Variants in PLD1 observed in about 807,000 individuals in gnomAD.
The protein encoded by PLD1 is phospholipase D1.
Under a neutral mutation model 137.1 loss-of-function variants are expected in PLD1, and 112 were observed. The observed-to-expected ratio is 0.82, with a 90% CI of 0.70 to 0.96. PLD1 has a LOEUF of 0.96. Among genes scored for constraint, PLD1 ranks in the 40% least tolerant of loss-of-function variants. The pLI, the probability that PLD1 is intolerant of heterozygous loss-of-function variation, is 0.00. For missense variants in PLD1, 1,321 were observed against 1,342.0 expected (o/e 0.98, Z 0.24); for synonymous variants, 431 against 454.7 (o/e 0.95, Z 0.66).
At chr3:171,743,189 A>G (rs1380524768) in intron 1 of PLD1, among the ~76,000 whole-genome samples, 1 of 152,172 alleles carries the variant, frequency 6.6e-6, no homozygotes, top group Non-Finnish European at 1.5e-5. Context: ...ATACTCATCT[A>G]CAGGCAAAAA....
At chr3:171,773,377 A>T (rs957794342) in intron 1 of PLD1, among the ~76,000 whole-genome samples, 3 of 152,092 alleles carry the variant, frequency 2.0e-5, no homozygotes, top group African/African-American at 7.2e-5. Flanking sequence ...GTGGATCACG[A>T]GTCAGGAGCT....
chr3:171,709,414 C>T, intron 10 of PLD1, 146 bp downstream of exon 10: 1 of 577,800 alleles, frequency 1.7e-6, no homozygotes, highest in South Asian at 3.1e-5. Context: ...ATCAGGTAGT[C>T]CCATAATTAT....
intron 1 of PLD1, among the ~76,000 whole-genome samples, chr3:171,746,958 A>T (rs1720256446): frequency 6.6e-6 from 1 of 152,342 alleles, no homozygotes; most frequent in South Asian, 2.1e-4. Flanking sequence ...CACTGCTTTT[A>T]TTAGCTGTAA....
chr3:171,675,931 C>G (rs927666290), intron 18 of PLD1, among the ~76,000 whole-genome samples: 1 of 151,742 alleles, frequency 6.6e-6, no homozygotes, highest in African/African-American at 2.4e-5. Context: ...CAAACTCCGC[C>G]TCCTGGATTC....
At position 171,737,639 on chromosome 3, in the gene PLD1, T is replaced by C. The variant is rs1469513481; in HGVS notation, c.181A>G (p.Ile61Val). The part of the protein sequence containing the change: ...IQEVYIPFSA[I>V]YNTQGFKEPN... ...TCCTTAAATCCTTGAGTGTTATAAA[T>C]AGCAGAGAAAGGGATATACACTAAA... Residue 61 changes from isoleucine to valine, a missense_variant, in exon 3 of 27, where the codon ATT (isoleucine) becomes GTT (valine). Coordinates refer to ENST00000351298, the MANE Select transcript of PLD1 (RefSeq NM_002662.5). 5 of 1,570,722 alleles carry C rather than the reference T, an allele frequency of 3.2e-6. No individual in the cohort carries two copies. The South Asian group carries it at 4.5e-5, about 14-fold the overall frequency.
chr3:171,802,406 A>G (rs1242593866), intron 1 of PLD1, among the ~76,000 whole-genome samples: 1 of 152,202 alleles, frequency 6.6e-6, no homozygotes, highest in Admixed American at 6.5e-5. Context: ...TGGTCAGGGA[A>G]AAAACCTTTC....
At chr3:171,749,202 A>T (rs1720480429) in intron 1 of PLD1, among the ~76,000 whole-genome samples, 1 of 152,188 alleles carries the variant, frequency 6.6e-6, no homozygotes, top group African/African-American at 2.4e-5. Context: ...TGAAGAAACT[A>T]AAGTCTGATG....
intron 1 of PLD1, among the ~76,000 whole-genome samples, chr3:171,803,967 T>C (rs903762828): frequency 5.3e-5 from 8 of 152,190 alleles, no homozygotes; most frequent in African/African-American, 1.9e-4. Flanking sequence ...GCCAAAAATA[T>C]ACTTCATCCC....
At chr3:171,730,305 C>A (rs1718835186) in intron 6 of PLD1, among the ~76,000 whole-genome samples, 1 of 152,016 alleles carries the variant, frequency 6.6e-6, no homozygotes, top group African/African-American at 2.4e-5. Flanking sequence ...CATTTGTCCC[C>A]ATTTTACAAA....
chr3:171,783,587 TG>T (rs1722878009), intron 1 of PLD1, among the ~76,000 whole-genome samples: 1 of 152,142 alleles, frequency 6.6e-6, no homozygotes, highest in African/African-American at 2.4e-5. Context: ...GTTTGACTCC[TG>T]TTTTTTTTAT....
chr3:171,736,974 C>T (rs570002471), intron 3 of PLD1, among the ~76,000 whole-genome samples: 4 of 152,294 alleles, frequency 2.6e-5, no homozygotes, highest in East Asian at 3.9e-4. Flanking sequence ...TGAAATATCA[C>T]GTGAATGAGG....
chr3:171,788,495 T>C (rs534064922), intron 1 of PLD1: 1 of 152,296 alleles, frequency 6.6e-6, no homozygotes, highest in East Asian at 1.9e-4. Flanking sequence ...ACCAAGCAGT[T>C]TGCCTCTGGT....
At chr3:171,791,551 G>T (rs139973257) in intron 1 of PLD1, among the ~76,000 whole-genome samples, 143 of 152,030 alleles carry the variant, frequency 9.4e-4, no homozygotes, top group East Asian at 6.0e-3. Flanking sequence ...AAAATATCAG[G>T]CCTGTGACCA....
At chr3:171,802,357 A>G (rs191730096) in intron 1 of PLD1, among the ~76,000 whole-genome samples, 34 of 152,344 alleles carry the variant, frequency 2.2e-4, no homozygotes, top group Non-Finnish European at 4.7e-4. Context: ...TCAGGTAGCA[A>G]GCAATGCAAT....
chr3:171,677,929 T>G (rs531763240), intron 16 of PLD1: 2 of 346,454 alleles, frequency 5.8e-6, no homozygotes, highest in Non-Finnish European at 1.0e-5. Context: ...ACAATGAAAT[T>G]TGACCTTCTC....
At chr3:171,613,654 C>A (rs1293455605) in intron 24 of PLD1, among the ~76,000 whole-genome samples, 1 of 151,980 alleles carries the variant, frequency 6.6e-6, no homozygotes, top group Non-Finnish European at 1.5e-5. Flanking sequence ...ATTATTAATT[C>A]TCTTTATTAG....
At chr3:171,680,233 T>A (rs2108491506) in intron 16 of PLD1, among the ~76,000 whole-genome samples, 1 of 149,562 alleles carries the variant, frequency 6.7e-6, no homozygotes, top group Non-Finnish European at 1.5e-5. Context: ...TTGTTTTCTT[T>A]TTCTTCCTCT....
At chr3:171,721,064 C>G (rs905286930) in intron 8 of PLD1, among the ~76,000 whole-genome samples, 2 of 152,146 alleles carry the variant, frequency 1.3e-5, no homozygotes, top group African/African-American at 4.8e-5. Flanking sequence ...GCCTGCATTT[C>G]CCCTCTAACA....
chr3:171,760,378 T>C (rs9829615), intron 1 of PLD1, among the ~76,000 whole-genome samples: 19,001 of 152,218 alleles, frequency 0.12, 1,320 homozygotes, highest in South Asian at 0.22. Context: ...ATCAATCATC[T>C]AGGTATTATC....
Sources: allele counts gnomAD v4.1 joint callset (sites outside exome capture counted in the v4.1 genomes callset), GRCh38; gene constraint gnomAD v4.1.1; transcripts MANE v1.5; gene names NCBI Gene and HGNC (gene_info 2026-07-23, HGNC 2026-07-21).